The following RAB3GAP2 variants were observed in gnomAD, a reference collection of about 807,000 sequenced individuals.
RAB3GAP2 encodes RAB3 GTPase activating non-catalytic protein subunit 2.
RAB3GAP2 carries 87 observed loss-of-function variants against 185.3 expected under a neutral mutation model. The observed-to-expected ratio is 0.47, with a 90% CI of 0.39 to 0.56. The LOEUF (loss-of-function observed/expected upper bound fraction) is 0.56, where lower values mean the gene tolerates loss of function less well. RAB3GAP2 is among the 20% of genes least tolerant of loss of function. The pLI, the probability that RAB3GAP2 is intolerant of heterozygous loss-of-function variation, is 0.00. For missense variants in RAB3GAP2, 1,492 were observed against 1,638.2 expected, an observed-to-expected ratio of 0.91 and a Z score of 1.54; for synonymous variants, 554 against 576.1, an observed-to-expected ratio of 0.96 and a Z score of 0.55.
At chr1:220,194,681 C>T (rs1340015280) in intron 12 of RAB3GAP2, among the ~76,000 whole-genome samples, 1 of 152,194 alleles carries the variant, frequency 6.6e-6, no homozygotes, top group Admixed American at 6.5e-5. Flanking sequence ...GCGTGAGCCA[C>T]CGCAATCCAC....
intron 8 of RAB3GAP2, among the ~76,000 whole-genome samples, chr1:220,205,065 T>G (rs1041302265): frequency 2.6e-5 from 4 of 152,076 alleles, no homozygotes; most frequent in African/African-American, 9.7e-5. Flanking sequence ...CTCTTCCATA[T>G]TTTCACAACT....
At chr1:220,197,372 A>C (rs954003178) in intron 9 of RAB3GAP2, among the ~76,000 whole-genome samples, 1 of 152,176 alleles carries the variant, frequency 6.6e-6, no homozygotes, top group African/African-American at 2.4e-5. Flanking sequence ...AAAACTGTCA[A>C]AAAATGCATT....
At chr1:220,224,483 T>C (rs1659367694) in intron 2 of RAB3GAP2, among the ~76,000 whole-genome samples, 1 of 152,066 alleles carries the variant, frequency 6.6e-6, no homozygotes, top group Non-Finnish European at 1.5e-5. Context: ...AATGAAATAA[T>C]TTACATATAT....
intron 2 of RAB3GAP2, among the ~76,000 whole-genome samples, chr1:220,223,517 C>T (rs1234073004): frequency 1.3e-5 from 2 of 151,918 alleles, no homozygotes; most frequent in Non-Finnish European, 2.9e-5. Context: ...TAGATTAAAA[C>T]ACTGAAATGG....
chr1:220,234,804 A>T (rs968227231), intron 1 of RAB3GAP2, among the ~76,000 whole-genome samples: 2 of 152,236 alleles, frequency 1.3e-5, no homozygotes, highest in African/African-American at 4.8e-5. Flanking sequence ...ACTTAAACTC[A>T]GTCCTTAAAA....
intron 26 of RAB3GAP2, among the ~76,000 whole-genome samples, chr1:220,167,082 TGGGG>T (rs1658081409): frequency 6.6e-6 from 1 of 152,036 alleles, no homozygotes; most frequent in Non-Finnish European, 1.5e-5. Context: ...TTCTTTAGAG[TGGGG>T]ATACTGACAG....
In RAB3GAP2 at chr1:220,161,089, G is replaced by A. The variant is rs148364164; in HGVS notation, c.3225+1109C>T. 4.5e-3 allele frequency among the ~76,000 whole-genome samples: 690 copies of A among 152,150 alleles called. 2 individuals are homozygous for A. The highest frequency in any genetic ancestry group is 0.015 in the African/African-American group (643 of 41,502). On this transcript the variant is annotated intron_variant, in intron 28 of 34. Transcript: ENST00000358951. ...AATTACATTTTACTGTTATTCTCTC[G>A]AAAGACGAGGGGGTAAGAGGTGAAG...
At chr1:220,212,422 C>G (rs1260772750) in intron 4 of RAB3GAP2, among the ~76,000 whole-genome samples, 3 of 152,118 alleles carry the variant, frequency 2.0e-5, no homozygotes, top group Admixed American at 1.3e-4. Flanking sequence ...GAATCATTCT[C>G]TACAACCTAT....
rs1659075016 is a variant in RAB3GAP2 at position 220,210,942 on chromosome 1, T to C, written c.434+13A>G. ...CAAAGCAAAGAAAACAGATGACTCT[T>C]ATTTATCCTTACCTCTTTTGGCTTG... On this transcript the variant is annotated intron_variant, in intron 5 of 34. Transcript: ENST00000358951. The C allele has an allele frequency of 6.2e-7, 1 of 1,613,932 alleles. No homozygotes were observed. Among genetic ancestry groups the C allele is most frequent in the Admixed American group, 1.7e-5 (1 of 59,996 alleles).
At chr1:220,196,836 AAAT>A (rs1172941063) in intron 9 of RAB3GAP2, among the ~76,000 whole-genome samples, 1 of 152,002 alleles carries the variant, frequency 6.6e-6, no homozygotes, top group East Asian at 1.9e-4. Context: ...CATCTCAAAA[AAAT>A]AATAATAATA....
chr1:220,224,118 T>C (rs1659362019), intron 2 of RAB3GAP2, among the ~76,000 whole-genome samples: 1 of 152,122 alleles, frequency 6.6e-6, no homozygotes, highest in African/African-American at 2.4e-5. Flanking sequence ...GGTACTATTC[T>C]AAGCATATAT....
intron 28 of RAB3GAP2, 148 bp from the exon 29 acceptor site, chr1:220,159,569 C>G: frequency 7.9e-6 from 5 of 633,638 alleles, no homozygotes; most frequent in East Asian, 2.8e-5. Flanking sequence ...GCTGTTGGCT[C>G]TACCAACAGT....
intron 6 of RAB3GAP2, 135 bp downstream of exon 6, chr1:220,210,666 C>T (rs767002616): frequency 2.0e-5 from 22 of 1,078,970 alleles, no homozygotes; most frequent in Non-Finnish European, 2.9e-5. Context: ...CGGCCTATCC[C>T]GGCCTCTACC....
At position 220,170,445 on chromosome 1, in the gene RAB3GAP2, C is replaced by CA. The variant is rs58028233; in HGVS notation, c.2806+446dup. On this transcript the variant is annotated intron_variant, in intron 24 of 34. Transcript: ENST00000358951. ...AAAAAAGTAGTTATATTTCCCAATG[C>CA]AAAAAAAAAAAGGATATTTGGTGAG... Among the ~76,000 whole-genome samples the CA allele has an allele frequency of 8.7e-3, 1,217 of 140,300 alleles. 18 individuals are homozygous for CA. The highest frequency in any genetic ancestry group is 0.026 in the African/African-American group (1,001 of 38,350). The allele number at this position is 140,300 out of a possible 152,430, so 92.0% of individuals were successfully genotyped here. A position where few individuals can be genotyped will look rare whatever the true frequency, so the allele number is the denominator to read the frequency against.
At chr1:220,184,260 C>G (rs978549487) in intron 18 of RAB3GAP2, 97 bp from the exon 19 acceptor site, 3 of 1,125,998 alleles carry the variant, frequency 2.7e-6, no homozygotes, top group African/African-American at 3.1e-5. Context: ...ATGTAATTCC[C>G]TGATGCTCTG....
chr1:220,236,567 T>A (rs1659595094), intron 1 of RAB3GAP2, among the ~76,000 whole-genome samples: 1 of 151,868 alleles, frequency 6.6e-6, no homozygotes, highest in Non-Finnish European at 1.5e-5. Flanking sequence ...TGCAAGGAGG[T>A]AGTGGACAGC....
intron 14 of RAB3GAP2, 140 bp from the exon 15 acceptor site, chr1:220,190,660 A>G: frequency 1.2e-6 from 1 of 831,192 alleles, no homozygotes; most frequent in Non-Finnish European, 1.9e-6. Flanking sequence ...GATAGCAAGT[A>G]CATAAGTAAA....
At chr1:220,233,848 C>G (rs1387229010) in intron 1 of RAB3GAP2, among the ~76,000 whole-genome samples, 1 of 152,100 alleles carries the variant, frequency 6.6e-6, no homozygotes, top group Non-Finnish European at 1.5e-5. Flanking sequence ...CTACAGGCAC[C>G]TGCCACCACG....
At chr1:220,243,546 C>T (rs763276093) in intron 1 of RAB3GAP2, among the ~76,000 whole-genome samples, 34 of 152,256 alleles carry the variant, frequency 2.2e-4, no homozygotes, top group Admixed American at 3.9e-4. Flanking sequence ...AACTGGGATT[C>T]GGACCCACGC....
Sources: allele counts gnomAD v4.1 joint callset (sites outside exome capture counted in the v4.1 genomes callset), GRCh38; gene constraint gnomAD v4.1.1; transcripts MANE v1.5; gene names NCBI Gene and HGNC (gene_info 2026-07-23, HGNC 2026-07-21).